Variants in BNC2 observed in about 807,000 individuals in gnomAD.
BNC2 encodes basonuclin zinc finger protein 2.
Under a neutral mutation model 76.3 loss-of-function variants are expected in BNC2, and 20 were observed. The observed-to-expected ratio is 0.26, with a 90% CI of 0.18 to 0.38. The LOEUF (loss-of-function observed/expected upper bound fraction) is 0.38, where lower values mean the gene tolerates loss of function less well. BNC2 is among the 10% of genes least tolerant of loss of function. BNC2 has a pLI of 1.00. For missense variants in BNC2, 1,382 were observed against 1,399.8 expected (o/e 0.99, Z 0.20); for synonymous variants, 582 against 514.8 (o/e 1.13, Z -1.77).
At chr9:16,555,577 C>T (rs1219965314) in intron 4 of BNC2, among the ~76,000 whole-genome samples, 1 of 151,472 alleles carries the variant, frequency 6.6e-6, no homozygotes, top group East Asian at 2.0e-4. Context: ...GGCAGATTGC[C>T]TAAGCCAAGA....
chr9:16,622,149 T>C (rs1820883389), intron 3 of BNC2, among the ~76,000 whole-genome samples: 1 of 152,142 alleles, frequency 6.6e-6, no homozygotes, highest in South Asian at 2.1e-4. Context: ...ATTCTAAATT[T>C]TATAGCTCCC....
intron 4 of BNC2, among the ~76,000 whole-genome samples, chr9:16,582,440 C>T (rs1269144714): frequency 6.6e-6 from 1 of 152,160 alleles, no homozygotes; most frequent in Non-Finnish European, 1.5e-5. Flanking sequence ...CTCCAATCCC[C>T]ATGCACACTG....
At chr9:16,571,717 T>C (rs557914834) in intron 4 of BNC2, among the ~76,000 whole-genome samples, 11 of 152,284 alleles carry the variant, frequency 7.2e-5, no homozygotes, top group African/African-American at 2.6e-4. Flanking sequence ...TCTCTCTCTT[T>C]AGCCTAATCT....
chr9:16,644,238 G>A (rs970090573), intron 3 of BNC2, among the ~76,000 whole-genome samples: 1 of 152,180 alleles, frequency 6.6e-6, no homozygotes, highest in Non-Finnish European at 1.5e-5. Context: ...AAGAGGAAAA[G>A]AATCTAGATA....
chr9:16,707,205 G>C (rs13298668), intron 3 of BNC2, among the ~76,000 whole-genome samples: 90,258 of 147,100 alleles, frequency 0.61, 30,213 homozygotes, highest in Non-Finnish European at 0.78. Context: ...CCGCCCCCCC[G>C]CCAAAAAAAA....
In BNC2 at chr9:16,659,095, T is replaced by C. The variant is rs142541715; in HGVS notation, c.330+68702A>G. On this transcript the variant is annotated intron_variant, in intron 3 of 6. Transcript: ENST00000380672. ...AGGTACTCAATAAATATTTGCTGAA[T>C]GGCTGAATGGATGGATAGATGGACA... Among the ~76,000 whole-genome samples, 499 of 151,740 alleles carry C rather than the reference T, an allele frequency of 3.3e-3. 2 individuals are homozygous for C. Among genetic ancestry groups the C allele is most frequent in the African/African-American group, 0.011 (461 of 41,470 alleles).
chr9:16,653,831 C>T (rs189482528), intron 3 of BNC2, among the ~76,000 whole-genome samples: 27 of 152,294 alleles, frequency 1.8e-4, no homozygotes, highest in Admixed American at 1.5e-3. Flanking sequence ...CATGCAGCGT[C>T]TGACATGTTT....
At chr9:16,511,246 A>G in intron 5 of BNC2, among the ~76,000 whole-genome samples, 1 of 150,902 alleles carries the variant, frequency 6.6e-6, no homozygotes. Context: ...AGTAGGTGAG[A>G]CTACAGGCAC....
chr9:16,806,647 T>G (rs1397475588), intron 1 of BNC2, among the ~76,000 whole-genome samples: 1 of 152,226 alleles, frequency 6.6e-6, no homozygotes, highest in Non-Finnish European at 1.5e-5. Context: ...AAGGACAGTT[T>G]ATAACATCTC....
At chr9:16,658,519 C>T (rs550210002) in intron 3 of BNC2, among the ~76,000 whole-genome samples, 4 of 152,254 alleles carry the variant, frequency 2.6e-5, no homozygotes, top group Admixed American at 6.5e-5. Context: ...AGCATATCAC[C>T]TCCTGGATTC....
At chr9:16,508,404 G>C (rs1325308973) in intron 5 of BNC2, among the ~76,000 whole-genome samples, 1 of 152,144 alleles carries the variant, frequency 6.6e-6, no homozygotes, top group Non-Finnish European at 1.5e-5. Flanking sequence ...CAACAAAAGA[G>C]ACACAGTCCT....
intron 1 of BNC2, among the ~76,000 whole-genome samples, chr9:16,789,344 G>A (rs1817437489): frequency 6.6e-6 from 1 of 151,888 alleles, no homozygotes; most frequent in South Asian, 2.1e-4. Context: ...ACAATAAAAT[G>A]GGTCCATTTT....
rs372860052 is a variant in BNC2, at chr9:16,443,662, C to T, written c.670-6138G>A. 9.2e-5 allele frequency among the ~76,000 whole-genome samples: 14 copies of T among 152,004 alleles called. 1 individual carries two copies. The East Asian group carries it at 2.5e-3, about 27-fold the overall frequency. On this transcript the variant is annotated intron_variant, in intron 5 of 6. Coordinates refer to ENST00000380672, the MANE Select transcript of BNC2 (RefSeq NM_017637.6). ...ATCTATACAATGGAATAGTACTGCA[C>T]AATAAAAAGAACTAAGCTACCGACT...
chr9:16,624,382 G>A (rs1587246940), intron 3 of BNC2, among the ~76,000 whole-genome samples: 3 of 150,028 alleles, frequency 2.0e-5, no homozygotes, highest in African/African-American at 7.6e-5. Context: ...GTATGCACAA[G>A]GAAATATCTG....
At chr9:16,825,897 A>T (rs1818443539) in intron 1 of BNC2, among the ~76,000 whole-genome samples, 1 of 152,080 alleles carries the variant, frequency 6.6e-6, no homozygotes. Context: ...CATTTGAAAA[A>T]CACTTTGGAC....
intron 3 of BNC2, among the ~76,000 whole-genome samples, chr9:16,632,006 G>A (rs1310990603): frequency 2.6e-5 from 4 of 152,128 alleles, no homozygotes; most frequent in African/African-American, 7.2e-5. Flanking sequence ...ATAAGGCTGA[G>A]GCAAGAAATG....
chr9:16,735,117 G>A (rs1469625523), intron 2 of BNC2, among the ~76,000 whole-genome samples: 1 of 152,174 alleles, frequency 6.6e-6, no homozygotes, highest in South Asian at 2.1e-4. Context: ...GTAGGGTATG[G>A]TAGATGAGGT....
In BNC2 at chr9:16,411,629, C is replaced by T. The variant is rs998216125; in HGVS notation, c.*7360G>A. 1 of 152,576 alleles carries T rather than the reference C, an allele frequency of 6.6e-6. No homozygotes were observed. Among genetic ancestry groups the T allele is most frequent in the Non-Finnish European group, 1.5e-5 (1 of 68,036 alleles). The allele number at this position is 152,576 out of a possible 1,614,324, so 9.5% of individuals were successfully genotyped here. A position where few individuals can be genotyped will look rare whatever the true frequency, so the allele number is the denominator to read the frequency against. The stretch of plus-strand genomic sequence containing the variant: ...ATCATGTCAACTAATTGCCTTTGCT[C>T]GAACCCAAGAGTCCTTGCTCAAAGT... On this transcript the variant is annotated 3_prime_UTR_variant, in exon 7 of 7. Transcript: ENST00000380672.
chr9:16,574,539 G>T (rs1013175090), intron 4 of BNC2, among the ~76,000 whole-genome samples: 2 of 151,962 alleles, frequency 1.3e-5, no homozygotes, highest in African/African-American at 4.8e-5. Flanking sequence ...GATTTGCTTG[G>T]GAAAACAATT....
Sources: allele counts gnomAD v4.1 joint callset (sites outside exome capture counted in the v4.1 genomes callset), GRCh38; gene constraint gnomAD v4.1.1; transcripts MANE v1.5; gene names NCBI Gene and HGNC (gene_info 2026-07-23, HGNC 2026-07-21).